The following PLD5 variants were observed in gnomAD, a reference collection of about 807,000 sequenced individuals.
The protein encoded by PLD5 is inactive phospholipase D5.
A neutral mutation model predicts 61.1 loss-of-function variants in PLD5; 36 were observed. The observed-to-expected ratio is 0.59, with a 90% CI of 0.45 to 0.78. The LOEUF is 0.78. Among genes scored for constraint, PLD5 ranks in the 30% least tolerant of loss-of-function variants. PLD5 has a pLI of 0.00. For synonymous variants in PLD5, 243 were observed against 242.8 expected, an observed-to-expected ratio of 1.00 and a Z score of -0.01; for missense variants, 515 against 644.4, an observed-to-expected ratio of 0.80 and a Z score of 2.17.
At chr1:242,430,616 C>T (rs1665665396) in intron 1 of PLD5, among the ~76,000 whole-genome samples, 1 of 152,126 alleles carries the variant, frequency 6.6e-6, no homozygotes, top group Non-Finnish European at 1.5e-5. Flanking sequence ...TAGTGGTGGG[C>T]TGGTTTCCCT....
intron 5 of PLD5, among the ~76,000 whole-genome samples, chr1:242,163,233 T>A (rs1451157758): frequency 6.8e-6 from 1 of 147,790 alleles, no homozygotes; most frequent in Non-Finnish European, 1.5e-5. Context: ...AAGCTCCGCC[T>A]CCCGGGTTCA....
intron 1 of PLD5, among the ~76,000 whole-genome samples, chr1:242,473,182 A>C (rs1336208408): frequency 6.6e-6 from 1 of 152,206 alleles, no homozygotes; most frequent in Non-Finnish European, 1.5e-5. Flanking sequence ...GGAGTTCCCA[A>C]ACCTAGATTT....
chr1:242,370,668 T>C (rs1661585417), intron 1 of PLD5, among the ~76,000 whole-genome samples: 1 of 152,198 alleles, frequency 6.6e-6, no homozygotes, highest in Non-Finnish European at 1.5e-5. Context: ...TGAAATAAGC[T>C]ATTTTGAATG....
intron 2 of PLD5, among the ~76,000 whole-genome samples, chr1:242,315,742 G>T (rs1416302111): frequency 6.6e-6 from 1 of 152,144 alleles, no homozygotes; most frequent in South Asian, 2.1e-4. Flanking sequence ...GGGACTACAG[G>T]CATATGCCAC....
intron 2 of PLD5, among the ~76,000 whole-genome samples, chr1:242,304,474 T>C (rs892133349): frequency 6.6e-6 from 1 of 152,196 alleles, no homozygotes; most frequent in African/African-American, 2.4e-5. Flanking sequence ...AGTTGACACA[T>C]TGAAGGGGAT....
intron 5 of PLD5, among the ~76,000 whole-genome samples, chr1:242,163,133 T>TTTTC (rs1558290982): frequency 1.6e-5 from 2 of 127,598 alleles, no homozygotes; most frequent in African/African-American, 5.9e-5. Flanking sequence ...AAGTCTTTTA[T>TTTTC]TTTCTTTTCT....
At chr1:242,503,302 C>A (rs557589203) in intron 1 of PLD5, among the ~76,000 whole-genome samples, 2 of 152,170 alleles carry the variant, frequency 1.3e-5, no homozygotes, top group South Asian at 4.2e-4. Context: ...AAGGATGTGG[C>A]CCCTCCCATT....
At chr1:242,343,275 T>C (rs890753905) in intron 2 of PLD5, among the ~76,000 whole-genome samples, 1 of 151,860 alleles carries the variant, frequency 6.6e-6, no homozygotes, top group African/African-American at 2.4e-5. Context: ...TCAGCAAAGG[T>C]TGAACTGCGT....
At position 242,089,787 on chromosome 1, in the gene PLD5, T is replaced by G. The variant is rs561609279; in HGVS notation, c.*67A>C. The G allele has an allele frequency of 6.3e-7, 1 of 1,581,334 alleles. No individual in the cohort carries two copies. The highest frequency in any genetic ancestry group is 1.8e-5 in the Admixed American group (1 of 56,042). On this transcript the variant is annotated 3_prime_UTR_variant, in exon 10 of 10. Coordinates refer to ENST00000536534, the MANE Select transcript of PLD5 (RefSeq NM_001372062.1). Reference sequence around the variant, plus strand: ...AAAAAGAGACATATTAAAGTGTTTTTTCTCTCCTCAAGTCCTTTATGTATA... The same window carrying G: ...AAAAAGAGACATATTAAAGTGTTTTGTCTCTCCTCAAGTCCTTTATGTATA...
rs371133138 is a variant in PLD5, at chr1:242,100,823, C to T, written c.1240-41G>A. 17 of 1,348,196 alleles carry T rather than the reference C, an allele frequency of 1.3e-5. No individual in the cohort carries two copies. In the African/African-American group the frequency reaches 1.3e-4, roughly 10 times the overall value. The allele number at this position is 1,348,196 out of a possible 1,614,324, so 83.5% of individuals were successfully genotyped here. ...AAAGGGGGCAGGTAAATAAGAGGAACGTTTCTGGTCTTGTCCAAGAGCACA... is the reference window on the plus strand; with the variant it reads ...AAAGGGGGCAGGTAAATAAGAGGAATGTTTCTGGTCTTGTCCAAGAGCACA... On this transcript the variant is annotated intron_variant, in intron 8 of 9. Coordinates refer to ENST00000536534, the MANE Select transcript of PLD5 (RefSeq NM_001372062.1).
chr1:242,220,344 G>A (rs574104344), intron 4 of PLD5, among the ~76,000 whole-genome samples: 20 of 152,036 alleles, frequency 1.3e-4, no homozygotes, highest in Non-Finnish European at 2.6e-4. Flanking sequence ...AAAGCCAGGG[G>A]AAATGCCTTT....
intron 1 of PLD5, among the ~76,000 whole-genome samples, chr1:242,486,459 A>G (rs1667964436): frequency 6.6e-6 from 1 of 152,150 alleles, no homozygotes; most frequent in Non-Finnish European, 1.5e-5. Context: ...CACATGAAAA[A>G]ATGCTCATCA....
chr1:242,121,761 A>T (rs939336650), intron 6 of PLD5, among the ~76,000 whole-genome samples: 1 of 152,178 alleles, frequency 6.6e-6, no homozygotes, highest in Non-Finnish European at 1.5e-5. Context: ...CTATGCAGCC[A>T]TAAAAAAGGA....
rs181516340 is a variant in PLD5, at chr1:242,404,253, G to A, written c.190-56011C>T. ...AAACTATTTCTGGGGTGTGGAGAGA[G>A]GTCATGGAAGGTTTTCCTGATGAAG... On this transcript the variant is annotated intron_variant, in intron 1 of 9. Transcript: ENST00000536534. Among the ~76,000 whole-genome samples the A allele has an allele frequency of 4.7e-4, 72 of 152,238 alleles. 1 individual carries two copies. Among genetic ancestry groups the A allele is most frequent in the African/African-American group, 1.7e-3 (70 of 41,526 alleles).
In PLD5 at chr1:242,487,330, C is replaced by A. The variant is rs1238367614; in HGVS notation, c.189+36758G>T. Among the ~76,000 whole-genome samples, 3 of 151,938 alleles carry A rather than the reference C, an allele frequency of 2.0e-5. No homozygotes were observed. In the East Asian group the frequency reaches 5.8e-4, roughly 29 times the overall value. ...TAGACTCCACATGCAAATAAAACTA[C>A]CAAAAAACAAATATAAAGGAGGAAT... On this transcript the variant is annotated intron_variant, in intron 1 of 9. Transcript: ENST00000536534.
chr1:242,466,313 A>C (rs1667275260), intron 1 of PLD5, among the ~76,000 whole-genome samples: 1 of 152,294 alleles, frequency 6.6e-6, no homozygotes, highest in South Asian at 2.1e-4. Context: ...AGTAATATTT[A>C]CTGAATAGAA....
intron 2 of PLD5, among the ~76,000 whole-genome samples, chr1:242,327,066 C>T (rs556453166): frequency 0.01 from 333 of 31,890 alleles, no homozygotes; most frequent in East Asian, 0.077. Flanking sequence ...GGGGTTTCAC[C>T]GTGTTAGCCA....
At chr1:242,379,049 A>G (rs1662135306) in intron 1 of PLD5, among the ~76,000 whole-genome samples, 2 of 151,936 alleles carry the variant, frequency 1.3e-5, no homozygotes, top group African/African-American at 4.8e-5. Context: ...CCACATTCCA[A>G]TAGGCAAAAC....
In PLD5 at chr1:242,236,771, G is replaced by A. The variant is rs374950740; in HGVS notation, c.608-16656C>T. On this transcript the variant is annotated intron_variant, in intron 4 of 9. Transcript: ENST00000536534. ...GGTTCACCATTTGTAGGGAGAGGAA[G>A]AAAGCCTGGCTAAGCTAACCCATAC... Among the ~76,000 whole-genome samples, 77 of 152,346 alleles carry A rather than the reference G, an allele frequency of 5.1e-4. No homozygotes were observed. In the South Asian group the frequency reaches 0.015, roughly 29 times the overall value.
Sources: gnomAD v4.1 joint callset for allele counts (sites outside exome capture counted in the v4.1 genomes callset) on GRCh38, gnomAD v4.1.1 for gene constraint, MANE v1.5 for transcripts, NCBI Gene and HGNC (gene_info 2026-07-23, HGNC 2026-07-21) for gene names.